The following CLMN variants were observed in gnomAD, a reference collection of about 807,000 sequenced individuals.
The protein encoded by CLMN is calmin (calponin-like, transmembrane).
In CLMN, 57 loss-of-function variants were observed where a neutral mutation model predicts 92.7. The observed-to-expected ratio is 0.61, with a 90% CI of 0.50 to 0.77. CLMN has a LOEUF of 0.77. Ranked by LOEUF, CLMN falls within the 30% of genes least tolerant of loss-of-function variation. The pLI, the probability that CLMN is intolerant of heterozygous loss-of-function variation, is 0.00. For synonymous variants in CLMN, 466 were observed against 470.6 expected, an observed-to-expected ratio of 0.99 and a Z score of 0.13; for missense variants, 1,158 against 1,237.5, an observed-to-expected ratio of 0.94 and a Z score of 0.96.
In CLMN at chr14:95,193,163, T is replaced by C. The variant is rs1453890626; in HGVS notation, c.2840+686A>G. The C allele has an allele frequency of 1.1e-5, 6 of 568,074 alleles. No homozygotes were observed. In the East Asian group the frequency reaches 1.8e-4, roughly 17 times the overall value. The allele number at this position is 568,074 out of a possible 1,614,324, so 35.2% of individuals were successfully genotyped here. A position where few individuals can be genotyped will look rare whatever the true frequency, so the allele number is the denominator to read the frequency against. ...ATAAAATTTTTTAAAAATAAAAACA[T>C]AATAAAGCAACTCTATGACTTCAAC... On this transcript the variant is annotated intron_variant, in intron 12 of 12. Coordinates refer to ENST00000298912, the MANE Select transcript of CLMN (RefSeq NM_024734.4).
intron 1 of CLMN, among the ~76,000 whole-genome samples, chr14:95,244,053 T>C (rs28575819): frequency 0.23 from 35,156 of 151,992 alleles, 5,281 homozygotes; most frequent in African/African-American, 0.42. Flanking sequence ...GCACCAGCCA[T>C]GTAAGAGGTA....
Position 95,215,517 on chromosome 14 carries a change from GA to G in CLMN, c.417+123del. 7.8e-6 allele frequency: 6 copies of G among 767,252 alleles called. No individual in the cohort carries two copies. The South Asian group carries it at 1.0e-4, about 13-fold the overall frequency. The allele number at this position is 767,252 out of a possible 1,614,324, so 47.5% of individuals were successfully genotyped here. On this transcript the variant is annotated intron_variant, in intron 5 of 12. Coordinates refer to ENST00000298912, the MANE Select transcript of CLMN (RefSeq NM_024734.4). Reference sequence around the variant, plus strand: ...TCTTCTAGTGCTTTTTCAGTGAGTAGAAAAGATAAAATCTGCCATAAACTAA... The same window carrying G: ...TCTTCTAGTGCTTTTTCAGTGAGTAGAAAGATAAAATCTGCCATAAACTAA...
intron 9 of CLMN, among the ~76,000 whole-genome samples, chr14:95,199,857 G>T (rs892893689): frequency 1.4e-4 from 21 of 152,098 alleles, no homozygotes; most frequent in Non-Finnish European, 2.8e-4. Context: ...ATGTCTGGGG[G>T]TGTGGGAGGA....
chr14:95,205,695 T>G (rs1011883522), intron 8 of CLMN, among the ~76,000 whole-genome samples: 2 of 152,188 alleles, frequency 1.3e-5, no homozygotes, highest in East Asian at 3.9e-4. Flanking sequence ...ATATATAAAA[T>G]ATATACAAAT....
chr14:95,262,662 G>A (rs1260201847), intron 1 of CLMN, among the ~76,000 whole-genome samples: 1 of 152,116 alleles, frequency 6.6e-6, no homozygotes, highest in Admixed American at 6.5e-5. Context: ...TCCTCTCCAG[G>A]CTCAAGTGAT....
rs980104784 is a variant in CLMN, at chr14:95,188,848, T to C, written c.*2716A>G. The C allele has an allele frequency of 1.4e-4, 21 of 152,146 alleles. No individual in the cohort carries two copies. Among genetic ancestry groups the C allele is most frequent in the Non-Finnish European group, 2.1e-4 (14 of 68,032 alleles). 9.4% of individuals were successfully genotyped at this position (152,146 alleles called of 1,614,324 possible). On this transcript the variant is annotated 3_prime_UTR_variant, in exon 13 of 13. Coordinates refer to ENST00000298912, the MANE Select transcript of CLMN (RefSeq NM_024734.4). The stretch of plus-strand genomic sequence containing the variant: ...GGAGGGTATTATTTTCCACCTGTCA[T>C]TCTATGCTCAGCCACATTTCTGTTA...
In CLMN at chr14:95,259,839, C is replaced by T. The variant is rs1455035032; in HGVS notation, c.83-29706G>A. 6.6e-6 allele frequency among the ~76,000 whole-genome samples: 1 copy of T among 152,204 alleles called. No individual in the cohort carries two copies. Among genetic ancestry groups the T allele is most frequent in the African/African-American group, 2.4e-5 (1 of 41,452 alleles). ...ATGGCCAGCTGCACCTGCGTTTCCT[C>T]TCCCCACACCCACCTGGACGGCTAT... On this transcript the variant is annotated intron_variant, in intron 1 of 12. Coordinates refer to ENST00000298912, the MANE Select transcript of CLMN (RefSeq NM_024734.4). The surrounding 1 kb of genome is among the most constrained non-coding windows in gnomAD (Gnocchi z 4.3).
intron 1 of CLMN, among the ~76,000 whole-genome samples, chr14:95,235,586 A>AT (rs901186396): frequency 1.3e-5 from 2 of 152,118 alleles, no homozygotes; most frequent in African/African-American, 4.8e-5. Context: ...AAAAATGGTC[A>AT]TTTTCTGTCC....
chr14:95,270,636 T>C (rs1451118699), intron 1 of CLMN, among the ~76,000 whole-genome samples: 1 of 151,408 alleles, frequency 6.6e-6, no homozygotes, highest in African/African-American at 2.4e-5. Context: ...CATGCATCAG[T>C]ACTTCCTTTC....
intron 1 of CLMN, among the ~76,000 whole-genome samples, chr14:95,317,200 C>T (rs986780281): frequency 4.6e-5 from 7 of 152,192 alleles, no homozygotes; most frequent in African/African-American, 1.7e-4. Flanking sequence ...ACCTTCTGGA[C>T]TCGGCCCTTT....
At chr14:95,246,376 C>G (rs1255885851) in intron 1 of CLMN, among the ~76,000 whole-genome samples, 3 of 152,226 alleles carry the variant, frequency 2.0e-5, no homozygotes, top group Non-Finnish European at 4.4e-5. Flanking sequence ...TCTTGTCCAT[C>G]TTTCTTCTCT....
intron 1 of CLMN, among the ~76,000 whole-genome samples, chr14:95,246,457 TGG>T (rs1898576504): frequency 6.6e-6 from 1 of 152,164 alleles, no homozygotes; most frequent in Non-Finnish European, 1.5e-5. Context: ...CCCCTCCTCT[TGG>T]GAACTGTGAG....
At chr14:95,245,221 TA>T (rs1898464097) in intron 1 of CLMN, among the ~76,000 whole-genome samples, 3 of 33,112 alleles carry the variant, frequency 9.1e-5, no homozygotes, top group Non-Finnish European at 1.4e-4. Flanking sequence ...TATATATATA[TA>T]TATTATATAT....
At chr14:95,207,865 C>G (rs1195987603) in intron 8 of CLMN, among the ~76,000 whole-genome samples, 2 of 152,258 alleles carry the variant, frequency 1.3e-5, no homozygotes, top group South Asian at 2.1e-4. Context: ...CAAAACAGAG[C>G]CCCAGTTTCA....
intron 2 of CLMN, among the ~76,000 whole-genome samples, chr14:95,225,773 G>C (rs1897692175): frequency 6.6e-6 from 1 of 152,216 alleles, no homozygotes; most frequent in Admixed American, 6.5e-5. Flanking sequence ...AGGATCTAGA[G>C]TGTGGAGGGG....
At position 95,193,551 on chromosome 14, in the gene CLMN, A is replaced by C. The variant is rs1470908645; in HGVS notation, c.2840+298T>G. Reference sequence around the variant, plus strand: ...CTACCCTATACCACTAAACCACCCTATACTCTATACCACTCATTTAAACAC... The same window carrying C: ...CTACCCTATACCACTAAACCACCCTCTACTCTATACCACTCATTTAAACAC... On this transcript the variant is annotated intron_variant, in intron 12 of 12. Coordinates refer to ENST00000298912, the MANE Select transcript of CLMN (RefSeq NM_024734.4). 1.2e-5 allele frequency: 8 copies of C among 671,136 alleles called. No individual in the cohort carries two copies. In the African/African-American group the frequency reaches 1.3e-4, roughly 11 times the overall value. 41.6% of individuals were successfully genotyped at this position (671,136 alleles called of 1,614,324 possible). A position where few individuals can be genotyped will look rare whatever the true frequency, so the allele number is the denominator to read the frequency against.
chr14:95,208,200 T>C (rs1486530788), intron 8 of CLMN, among the ~76,000 whole-genome samples: 1 of 152,208 alleles, frequency 6.6e-6, no homozygotes, highest in African/African-American at 2.4e-5. Context: ...CTTATAACTG[T>C]TTCCGTTACT....
chr14:95,210,950 G>A (rs1897181504), intron 6 of CLMN, 71 bp from the exon 7 acceptor site: 5 of 1,452,194 alleles, frequency 3.4e-6, no homozygotes, highest in Admixed American at 5.3e-5. Context: ...AGGTCAGCAT[G>A]CAGCAGCCGC....
intron 1 of CLMN, among the ~76,000 whole-genome samples, chr14:95,242,834 T>A (rs933676345): frequency 6.6e-6 from 1 of 152,148 alleles, no homozygotes. Flanking sequence ...CCCAAAGTGC[T>A]GGGATTACAG....
Sources: gnomAD v4.1 joint callset for allele counts (sites outside exome capture counted in the v4.1 genomes callset) on GRCh38, gnomAD v4.1.1 for gene constraint, Gnocchi (gnomAD v3.1) non-coding constraint, MANE v1.5 for transcripts, NCBI Gene and HGNC (gene_info 2026-07-23, HGNC 2026-07-21) for gene names.